SV2A: variants seen among roughly 807,000 people sequenced by gnomAD.
SV2A encodes the protein solute carrier family 22 member B1.
In SV2A, 25 loss-of-function variants were observed where a neutral mutation model predicts 78.0. The ratio of observed to expected loss-of-function variants is 0.32; its 90% confidence interval spans 0.23 to 0.45. The LOEUF (loss-of-function observed/expected upper bound fraction) is 0.45, where lower values mean the gene tolerates loss of function less well. Among genes scored for constraint, SV2A ranks in the 20% least tolerant of loss-of-function variants. The pLI, the probability that SV2A is intolerant of heterozygous loss-of-function variation, is 1.00. For synonymous variants in SV2A, 355 were observed against 384.7 expected, an observed-to-expected ratio of 0.92 and a Z score of 0.90; for missense variants, 752 against 971.5, an observed-to-expected ratio of 0.77 and a Z score of 3.00.
chr1:149,915,613 C>G (rs913813378), intron 1 of SV2A, among the ~76,000 whole-genome samples: 1 of 152,174 alleles, frequency 6.6e-6, no homozygotes, highest in Non-Finnish European at 1.5e-5. Context: ...GCATCCCATC[C>G]CTCCAGGGCC....
intron 1 of SV2A, among the ~76,000 whole-genome samples, chr1:149,916,067 TG>T (rs1160303623): frequency 1.3e-5 from 2 of 152,128 alleles, no homozygotes; most frequent in Non-Finnish European, 2.9e-5. Context: ...CTTTTCTTCA[TG>T]GTTCAGGGCC....
In SV2A at chr1:149,910,993, A is replaced by G; in HGVS notation, c.804-16T>C. ...CCCTCCAATCCTGAAGTGCATTTCAAGAATTCAGCATTAGCAAATGGCCAT... is the reference window on the plus strand; with the variant it reads ...CCCTCCAATCCTGAAGTGCATTTCAGGAATTCAGCATTAGCAAATGGCCAT... On this transcript the variant is annotated splice_polypyrimidine_tract_variant and intron_variant, in intron 3 of 12. Transcript: ENST00000369146. The surrounding 1 kb of genome is among the most constrained non-coding windows in gnomAD (Gnocchi z 4.2). 6.2e-7 allele frequency: 1 copy of G among 1,610,554 alleles called. No homozygotes were observed. Among genetic ancestry groups the G allele is most frequent in the Non-Finnish European group, 8.5e-7 (1 of 1,178,492 alleles).
intron 7 of SV2A, 76 bp downstream of exon 7, chr1:149,909,383 CCA>C (rs1571501626): frequency 6.5e-7 from 1 of 1,547,374 alleles, no homozygotes; most frequent in East Asian, 2.2e-5. Context: ...CACCCATCAC[CCA>C]CACACATAGA....
rs1347965051 is a variant in SV2A, at chr1:149,904,993, C to T, written c.*21G>A. 1 of 1,594,850 alleles carries T rather than the reference C, an allele frequency of 6.3e-7. No homozygotes were observed. Among genetic ancestry groups the T allele is most frequent in the Non-Finnish European group, 8.5e-7 (1 of 1,169,764 alleles). On this transcript the variant is annotated 3_prime_UTR_variant, in exon 13 of 13. Coordinates refer to ENST00000369146, the MANE Select transcript of SV2A (RefSeq NM_014849.5). ...TTGGTCTCACAGTGTGCCTGCCAAT[C>T]CCAAAGCCCTAGAGACCCCTTCACT...
At position 149,904,457 on chromosome 1, in the gene SV2A, T is replaced by G. The variant is rs1188866046; in HGVS notation, c.*557A>C. ...CTAATTTCATAAAATTCAGGCTTCA[T>G]ATTTGCAGCCCAAATTGAGAGGAAA... On this transcript the variant is annotated 3_prime_UTR_variant, in exon 13 of 13. Transcript: ENST00000369146. 2.0e-5 allele frequency: 3 copies of G among 153,062 alleles called. No homozygotes were observed. In the East Asian group the frequency reaches 5.8e-4, roughly 29 times the overall value. 9.5% of individuals were successfully genotyped at this position (153,062 alleles called of 1,614,324 possible). A position where few individuals can be genotyped will look rare whatever the true frequency, so the allele number is the denominator to read the frequency against.
intron 10 of SV2A, among the ~76,000 whole-genome samples, chr1:149,907,165 G>A (rs368203337): frequency 1.2e-4 from 19 of 152,234 alleles, no homozygotes; most frequent in African/African-American, 4.3e-4. Context: ...GTGGACTTAG[G>A]AAATTTTTCT....
chr1:149,909,605 C>G (rs1259591786), intron 6 of SV2A, 34 bp from the exon 7 acceptor site: 2 of 1,591,238 alleles, frequency 1.3e-6, no homozygotes, highest in Admixed American at 1.7e-5. Flanking sequence ...CAGTCACACA[C>G]TCTGTGTTTC....
At chr1:149,912,272 CT>C (rs1365645272) in intron 2 of SV2A, among the ~76,000 whole-genome samples, 2 of 152,172 alleles carry the variant, frequency 1.3e-5, no homozygotes, top group African/African-American at 4.8e-5. Flanking sequence ...ACCTTTACCC[CT>C]GGCTCACTTT....
At chr1:149,911,476 G>A (rs587739991) in intron 3 of SV2A, among the ~76,000 whole-genome samples, 6 of 151,986 alleles carry the variant, frequency 3.9e-5, no homozygotes, top group Admixed American at 3.9e-4. Context: ...CTGGTAGGGG[G>A]TAACTCTGGG....
At chr1:149,905,714 A>AT in intron 12 of SV2A, 166 bp downstream of exon 12, 6 of 934,326 alleles carry the variant, frequency 6.4e-6, no homozygotes, top group Non-Finnish European at 9.7e-6. Context: ...AAGCACTGGG[A>AT]TTACAGGCAT....
chr1:149,905,853 G>A (rs1417085176), intron 12 of SV2A, 27 bp downstream of exon 12: 4 of 1,610,534 alleles, frequency 2.5e-6, no homozygotes, highest in Non-Finnish European at 2.5e-6. Flanking sequence ...TGAATCCACT[G>A]CCCTGCCTCC....
rs781934427 is a variant in SV2A, at chr1:149,906,799, T to A, written c.1736A>T (p.Asn579Ile). ...SRLINSTFLH[N>I]KEGCPLDVTG... is the part of the protein sequence containing the mutation. ...CACGTCTAGCGGGCAGCCCTCCTTGTTGTGCAGGAATGTACTGTTTATCAG... is the reference window on the plus strand; with the variant it reads ...CACGTCTAGCGGGCAGCCCTCCTTGATGTGCAGGAATGTACTGTTTATCAG... The change falls in exon 11 of 13, where the codon AAC (asparagine) becomes ATC (isoleucine). Residue 579 changes from asparagine (N) to isoleucine (I), a missense_variant. Coordinates refer to ENST00000369146, the MANE Select transcript of SV2A (RefSeq NM_014849.5). The A allele has an allele frequency of 6.2e-7, 1 of 1,614,234 alleles. No homozygotes were observed. The highest frequency in any genetic ancestry group is 8.5e-7 in the Non-Finnish European group (1 of 1,180,048).
chr1:149,906,644 C>G lies in SV2A; in HGVS notation c.1885+6G>C, dbSNP rs782636032. ...TATCAGATCTGACTCAGCCTCTCCC[C>G]CTTACCAAGCATTCTGAGCCTGCCG... On this transcript the variant is annotated splice_donor_region_variant and intron_variant, in intron 11 of 12. Coordinates refer to ENST00000369146, the MANE Select transcript of SV2A (RefSeq NM_014849.5). 1 of 1,614,080 alleles carries G rather than the reference C, an allele frequency of 6.2e-7. No homozygotes were observed. Among genetic ancestry groups the G allele is most frequent in the Non-Finnish European group, 8.5e-7 (1 of 1,179,982 alleles).
rs11542469 is a variant in SV2A, at chr1:149,910,666, G to A, written c.993C>T (p.His331=). Residue 331 remains histidine (H), a synonymous_variant, in exon 5 of 13, where the codon CAC becomes CAT. Coordinates refer to ENST00000369146, the MANE Select transcript of SV2A (RefSeq NM_014849.5). This position sits in a 1 kb window ranked among gnomAD's most constrained non-coding sequence, Gnocchi z 4.2. ...AGACGAGGACGAAGACCCTCCAGCT[G>A]TGGAACTGGTAGGCAGAACCCATCT... ...SFQMGSAYQF[H]SWRVFVLVCA... The A allele has an allele frequency of 5.0e-6, 8 of 1,613,942 alleles. No individual in the cohort carries two copies. The highest frequency in any genetic ancestry group is 6.8e-6 in the Non-Finnish European group (8 of 1,179,982).
At chr1:149,917,308 G>T (rs958280702) in intron 1 of SV2A, among the ~76,000 whole-genome samples, 1 of 149,804 alleles carries the variant, frequency 6.7e-6, no homozygotes, top group Non-Finnish European at 1.5e-5. Flanking sequence ...AAGTCCAGGC[G>T]TGCACACTGA....
chr1:149,905,328 T>C (rs982525020), intron 12 of SV2A, 131 bp from the exon 13 acceptor site: 3 of 785,152 alleles, frequency 3.8e-6, no homozygotes, highest in Non-Finnish European at 6.0e-6. Context: ...GTTGGAGAGA[T>C]CAGAGAGGTA....
At position 149,914,986 on chromosome 1, in the gene SV2A, G is replaced by T. The variant is rs587765746; in HGVS notation, c.-347-799C>A. Among the ~76,000 whole-genome samples the T allele has an allele frequency of 9.9e-5, 15 of 152,248 alleles. No homozygotes were observed. The East Asian group carries it at 2.5e-3, about 25-fold the overall frequency. On this transcript the variant is annotated intron_variant, in intron 1 of 12. Transcript: ENST00000369146. Reference sequence around the variant, plus strand: ...AAAGCTATCTTGGATGCTCTTTAGGGTGAGCAGCAGGAAGGGACACTGGCA... The same window carrying T: ...AAAGCTATCTTGGATGCTCTTTAGGTTGAGCAGCAGGAAGGGACACTGGCA...
At chr1:149,914,966 T>C (rs1553764370) in intron 1 of SV2A, among the ~76,000 whole-genome samples, 2 of 152,138 alleles carry the variant, frequency 1.3e-5, no homozygotes, top group Non-Finnish European at 2.9e-5. Flanking sequence ...AGATGAAAGC[T>C]ATCTTGGATG....
At position 149,909,853 on chromosome 1, in the gene SV2A, T is replaced by C. The variant is rs782212250; in HGVS notation, c.1127A>G (p.Gln376Arg). The C allele has an allele frequency of 3.7e-6, 6 of 1,614,126 alleles. No homozygotes were observed. The highest frequency in any genetic ancestry group is 1.7e-5 in the Admixed American group (1 of 60,000). Residue 376 changes from glutamine (Q) to arginine (R), a missense_variant, in exon 6 of 13, where the codon CAG (glutamine) becomes CGG (arginine). By Grantham distance (43) the Gln-to-Arg change is conservative (BLOSUM62 1). Coordinates refer to ENST00000369146, the MANE Select transcript of SV2A (RefSeq NM_014849.5). The part of the protein sequence containing the change: ...KHDEAWMVLK[Q>R]VHDTNMRAKG... ...GGCTCGCATGTTGGTATCATGGACC[T>C]GCTTCAGCACCATCCAGGCCTCATC...
Sources: allele counts gnomAD v4.1 joint callset (sites outside exome capture counted in the v4.1 genomes callset), GRCh38; gene constraint gnomAD v4.1.1; non-coding constraint Gnocchi (gnomAD v3.1); transcripts MANE v1.5; gene names NCBI Gene and HGNC (gene_info 2026-07-23, HGNC 2026-07-21).